The following SLC9A9 variants were observed in gnomAD, a reference collection of about 807,000 sequenced individuals.
SLC9A9 encodes solute carrier family 9 member A9.
A neutral mutation model predicts 77.8 loss-of-function variants in SLC9A9; 62 were observed. The ratio of observed to expected loss-of-function variants is 0.80; its 90% CI spans 0.65 to 0.98. The LOEUF (loss-of-function observed/expected upper bound fraction) is 0.98, where lower values mean the gene tolerates loss of function less well. Among genes scored for constraint, SLC9A9 ranks in the 50% least tolerant of loss-of-function variants. SLC9A9 has a pLI of 0.00. For missense variants in SLC9A9, 775 were observed against 774.9 expected, an observed-to-expected ratio of 1.00 and a Z score of 0.00; for synonymous variants, 320 against 283.5, an observed-to-expected ratio of 1.13 and a Z score of -1.29.
At chr3:143,799,622 T>C (rs553460757) in intron 2 of SLC9A9, among the ~76,000 whole-genome samples, 1 of 152,204 alleles carries the variant, frequency 6.6e-6, no homozygotes, top group Non-Finnish European at 1.5e-5. Context: ...TCCTAAGCCA[T>C]GTCCCATCTG....
intron 9 of SLC9A9, among the ~76,000 whole-genome samples, chr3:143,541,580 G>A (rs561077164): frequency 6.6e-6 from 1 of 152,326 alleles, no homozygotes; most frequent in African/African-American, 2.4e-5. Context: ...TATACCAAAT[G>A]TTTTTAGAGG....
rs185657040 is a variant in SLC9A9 at position 143,330,823 on chromosome 3, G to A, written c.1604+32661C>T. On this transcript the variant is annotated intron_variant, in intron 14 of 15. Coordinates refer to ENST00000316549, the MANE Select transcript of SLC9A9 (RefSeq NM_173653.4). ...ATGAATTTTAAACTTTTGGATGCCC[G>A]CAGAACATGAAAAGCACTTTATGAG... Among the ~76,000 whole-genome samples the A allele has an allele frequency of 6.3e-4, 96 of 152,274 alleles. 1 individual carries two copies. The highest frequency in any genetic ancestry group is 2.2e-3 in the African/African-American group (90 of 41,544).
intron 8 of SLC9A9, among the ~76,000 whole-genome samples, chr3:143,561,914 C>T (rs933220619): frequency 3.9e-5 from 6 of 152,138 alleles, no homozygotes; most frequent in African/African-American, 1.4e-4. Context: ...CCTTTTTCAC[C>T]TTTGTTGTCT....
intron 2 of SLC9A9, among the ~76,000 whole-genome samples, chr3:143,819,546 C>A (rs527803486): frequency 1.3e-5 from 2 of 151,950 alleles, no homozygotes; most frequent in East Asian, 3.9e-4. Context: ...TCCTCTGTAG[C>A]GTGGGTCATA....
intron 14 of SLC9A9, among the ~76,000 whole-genome samples, chr3:143,326,557 G>T (rs1213705842): frequency 1.3e-5 from 2 of 151,946 alleles, no homozygotes; most frequent in Non-Finnish European, 2.9e-5. Flanking sequence ...CTTTGCATGT[G>T]CTGGTCCTTC....
rs1046706 is a variant in SLC9A9, at chr3:143,266,258, G to T, written c.*444C>A. 0.52 allele frequency: 317,066 copies of T among 605,000 alleles called. 88,437 individuals are homozygous for T. The highest frequency in any genetic ancestry group is 0.59 in the Non-Finnish European group (199,919 of 340,826). 37.5% of individuals were successfully genotyped at this position (605,000 alleles called of 1,614,324 possible). ...AAACTTATCACTTACTAAATAGCTG[G>T]GCATTCCCTTCAGCTTAGGAGCAAA... On this transcript the variant is annotated 3_prime_UTR_variant, in exon 16 of 16. Transcript: ENST00000316549.
At chr3:143,775,486 GC>G (rs2007659351) in intron 4 of SLC9A9, among the ~76,000 whole-genome samples, 1 of 152,160 alleles carries the variant, frequency 6.6e-6, no homozygotes, top group Non-Finnish European at 1.5e-5. Flanking sequence ...AAGCCATATA[GC>G]CCTGACATGA....
chr3:143,667,366 A>G (rs2039086012), intron 5 of SLC9A9, among the ~76,000 whole-genome samples: 1 of 152,252 alleles, frequency 6.6e-6, no homozygotes, highest in Admixed American at 6.5e-5. Context: ...TAGACTTAAA[A>G]CCATAAAAAC....
chr3:143,419,377 C>T (rs979220793), intron 12 of SLC9A9, among the ~76,000 whole-genome samples: 3 of 152,174 alleles, frequency 2.0e-5, no homozygotes, highest in Non-Finnish European at 4.4e-5. Context: ...CCCAGGCAGC[C>T]TTGCCCTAAA....
intron 14 of SLC9A9, among the ~76,000 whole-genome samples, chr3:143,329,806 CT>C (rs1369718099): frequency 6.6e-6 from 1 of 152,178 alleles, no homozygotes; most frequent in East Asian, 1.9e-4. Context: ...CCACGTGAGC[CT>C]CGTGCCCCGG....
intron 2 of SLC9A9, among the ~76,000 whole-genome samples, chr3:143,816,275 C>T (rs568852436): frequency 1.4e-4 from 22 of 152,288 alleles, no homozygotes; most frequent in Admixed American, 4.6e-4. Context: ...GTGGTCATAG[C>T]TCACTGTAAC....
chr3:143,767,987 A>T (rs1417234893), intron 4 of SLC9A9, among the ~76,000 whole-genome samples: 1 of 152,150 alleles, frequency 6.6e-6, no homozygotes, highest in Non-Finnish European at 1.5e-5. Flanking sequence ...AATTTTGGAC[A>T]AGGCAATTAA....
At chr3:143,496,971 G>GGA (rs1261159122) in intron 9 of SLC9A9, among the ~76,000 whole-genome samples, 4 of 152,068 alleles carry the variant, frequency 2.6e-5, no homozygotes, top group Non-Finnish European at 5.9e-5. Flanking sequence ...CTCACACCGA[G>GGA]GAGAGAGAGA....
intron 14 of SLC9A9, among the ~76,000 whole-genome samples, chr3:143,330,125 C>T (rs1299538073): frequency 2.6e-5 from 4 of 152,244 alleles, no homozygotes; most frequent in South Asian, 2.1e-4. Context: ...CTGTGTGACC[C>T]GATCACTGCC....
rs866630840 is a variant in SLC9A9, at chr3:143,466,949, T to C, written c.1469+88A>G. Reference sequence around the variant, plus strand: ...GGAAAGTTAGGGTAGGACCTGCCACTGTACTATTGACTAAGTCAGCAATAC... The same window carrying C: ...GGAAAGTTAGGGTAGGACCTGCCACCGTACTATTGACTAAGTCAGCAATAC... On this transcript the variant is annotated intron_variant, in intron 12 of 15. Transcript: ENST00000316549. The C allele has an allele frequency of 8.4e-5, 127 of 1,504,920 alleles. 1 individual carries two copies. In the African/African-American group the frequency reaches 1.5e-3, roughly 18 times the overall value. 93.2% of individuals were successfully genotyped at this position (1,504,920 alleles called of 1,614,324 possible).
chr3:143,543,765 C>A (rs1438605131), intron 9 of SLC9A9, among the ~76,000 whole-genome samples: 4 of 152,106 alleles, frequency 2.6e-5, no homozygotes. Flanking sequence ...TGTATATGTA[C>A]CACATTTTCT....
chr3:143,521,495 T>C (rs1392316401), intron 9 of SLC9A9, among the ~76,000 whole-genome samples: 1 of 152,232 alleles, frequency 6.6e-6, no homozygotes, highest in Non-Finnish European at 1.5e-5. Flanking sequence ...TCCCTTTTGA[T>C]GTATGAGTTT....
intron 14 of SLC9A9, among the ~76,000 whole-genome samples, chr3:143,284,808 G>C (rs79145036): frequency 0.055 from 8,352 of 152,160 alleles, 255 homozygotes; most frequent in South Asian, 0.084. Context: ...GGTCCCTGCT[G>C]TTCAGTCACG....
rs749163633 is a variant in SLC9A9, at chr3:143,363,529, G to T, written c.1559C>A (p.Ala520Glu). 6.2e-7 allele frequency: 1 copy of T among 1,612,970 alleles called. No individual in the cohort carries two copies. The highest frequency in any genetic ancestry group is 1.1e-5 in the South Asian group (1 of 91,066). Residue 520 changes from alanine (A) to glutamate (E), a missense_variant, in exon 14 of 16, where the codon GCA becomes GAA. By Grantham distance (107) the Ala-to-Glu change is moderately radical (BLOSUM62 -1). Transcript: ENST00000316549. The stretch of plus-strand genomic sequence containing the variant: ...CATTCTGAAGAGCCGAGCACTCTCT[G>T]CTTTCGTCATGTTTTTATCCAAGTT... ...ANNLDKNMTK[A>E]ESARLFRMWY...
Sources: allele counts gnomAD v4.1 joint callset (sites outside exome capture counted in the v4.1 genomes callset), GRCh38; gene constraint gnomAD v4.1.1; transcripts MANE v1.5; gene names NCBI Gene and HGNC (gene_info 2026-07-23, HGNC 2026-07-21).